Variants in GTF2IRD1 observed in about 807,000 individuals in gnomAD.
GTF2IRD1 encodes the protein general transcription factor II-I repeat domain-containing protein 1.
A neutral mutation model predicts 113.2 loss-of-function variants in GTF2IRD1; 26 were observed. The ratio of observed to expected loss-of-function variants is 0.23; its 90% confidence interval spans 0.17 to 0.32. The LOEUF (loss-of-function observed/expected upper bound fraction) is 0.32. Among genes scored for constraint, GTF2IRD1 ranks in the 10% least tolerant of loss-of-function variants. The pLI, the probability that GTF2IRD1 is intolerant of heterozygous loss-of-function variation, is 1.00. For missense variants in GTF2IRD1, 864 were observed against 1,280.8 expected, an observed-to-expected ratio of 0.67 and a Z score of 4.97; for synonymous variants, 484 against 529.1, an observed-to-expected ratio of 0.91 and a Z score of 1.17.
chr7:74,457,905 G>A (rs1793097849), intron 1 of GTF2IRD1, among the ~76,000 whole-genome samples: 3 of 147,928 alleles, frequency 2.0e-5, no homozygotes, highest in Non-Finnish European at 4.5e-5. Flanking sequence ...TTGAGAGGGA[G>A]TCTCACTTTG....
chr7:74,579,994 C>T (rs1801314776), intron 22 of GTF2IRD1, among the ~76,000 whole-genome samples: 1 of 152,114 alleles, frequency 6.6e-6, no homozygotes, highest in Non-Finnish European at 1.5e-5. Flanking sequence ...GGCTCATGAG[C>T]ACTGGCCTGG....
chr7:74,558,152 A>G (rs1799711141), intron 20 of GTF2IRD1, among the ~76,000 whole-genome samples: 1 of 151,484 alleles, frequency 6.6e-6, no homozygotes, highest in Admixed American at 6.6e-5. Flanking sequence ...AGTGGTGCAC[A>G]CCTGTGGTCC....
chr7:74,579,104 T>G (rs1237891802), intron 22 of GTF2IRD1, among the ~76,000 whole-genome samples: 1 of 151,920 alleles, frequency 6.6e-6, no homozygotes, highest in African/African-American at 2.4e-5. Flanking sequence ...GAAGAATTGC[T>G]TGAAGCCAGG....
At chr7:74,523,270 C>T (rs1411110173) in intron 7 of GTF2IRD1, among the ~76,000 whole-genome samples, 1 of 151,758 alleles carries the variant, frequency 6.6e-6, no homozygotes, top group Non-Finnish European at 1.5e-5. Context: ...TCATACCTGT[C>T]ATCCCAGCTG....
intron 1 of GTF2IRD1, chr7:74,487,390 G>A (rs965839541): frequency 6.6e-6 from 1 of 152,104 alleles, no homozygotes; most frequent in Non-Finnish European, 1.5e-5. Flanking sequence ...AAGCTTTCCA[G>A]TTCTACTTGA....
intron 22 of GTF2IRD1, among the ~76,000 whole-genome samples, chr7:74,577,200 G>C (rs1801126291): frequency 6.6e-6 from 1 of 152,090 alleles, no homozygotes; most frequent in South Asian, 2.1e-4. Flanking sequence ...ACCTATCCCA[G>C]CTAATTTTTT....
At chr7:74,490,903 G>T (rs1013566952) in intron 1 of GTF2IRD1, among the ~76,000 whole-genome samples, 4 of 152,168 alleles carry the variant, frequency 2.6e-5, no homozygotes, top group Non-Finnish European at 5.9e-5. Context: ...TGTCCAAGGG[G>T]CTGAGGATGT....
At chr7:74,496,568 G>GTGTGGGTGTGCA (rs1370805134) in intron 1 of GTF2IRD1, among the ~76,000 whole-genome samples, 10 of 134,568 alleles carry the variant, frequency 7.4e-5, no homozygotes, top group African/African-American at 1.7e-4. Flanking sequence ...GGGTGTACAT[G>GTGTGGGTGTGCA]TGTGGGTGTG....
chr7:74,463,240 CTTA>C (rs1430633907), intron 1 of GTF2IRD1, among the ~76,000 whole-genome samples: 5 of 152,052 alleles, frequency 3.3e-5, no homozygotes, highest in African/African-American at 1.2e-4. Context: ...TTCATCTGTT[CTTA>C]TTATTATTTT....
chr7:74,480,608 C>T (rs1017516231), intron 1 of GTF2IRD1, among the ~76,000 whole-genome samples: 17 of 152,172 alleles, frequency 1.1e-4, no homozygotes, highest in Admixed American at 2.0e-4. Context: ...CGCCCCTGCC[C>T]GCCTGCCAGG....
At chr7:74,519,043 G>A (rs1797112019) in intron 5 of GTF2IRD1, among the ~76,000 whole-genome samples, 1 of 152,228 alleles carries the variant, frequency 6.6e-6, no homozygotes, top group South Asian at 2.1e-4. Flanking sequence ...AGCCAAGAAG[G>A]CAGCCTGAGG....
chr7:74,594,832 G>T (rs587762568), intron 24 of GTF2IRD1, among the ~76,000 whole-genome samples, 182 bp from the exon 25 acceptor site: 104 of 151,650 alleles, frequency 6.9e-4, no homozygotes, highest in Middle Eastern at 3.4e-3. Flanking sequence ...GGCGCCTGTA[G>T]TCCCAGCTAC....
chr7:74,556,778 C>T (rs1248938898), intron 19 of GTF2IRD1, among the ~76,000 whole-genome samples: 3,566 of 116,398 alleles, frequency 0.031, no homozygotes, highest in Middle Eastern at 0.036. Flanking sequence ...TACGCACCAC[C>T]ATGCCTGGCT....
At chr7:74,550,808 C>A (rs781812607) in intron 17 of GTF2IRD1, among the ~76,000 whole-genome samples, 30 of 151,670 alleles carry the variant, frequency 2.0e-4, no homozygotes, top group Non-Finnish European at 2.8e-4. Context: ...ACAGGAGGGT[C>A]GCTTGAGGCC....
intron 11 of GTF2IRD1, 22 bp downstream of exon 11, chr7:74,536,297 C>T (rs1345902333): frequency 2.4e-5 from 35 of 1,457,352 alleles, no homozygotes; most frequent in South Asian, 2.1e-4. Flanking sequence ...CCCCTGGCCC[C>T]GGAGGCCCGC....
At chr7:74,567,702 G>T (rs1554361097) in intron 22 of GTF2IRD1, among the ~76,000 whole-genome samples, 8 of 152,010 alleles carry the variant, frequency 5.3e-5, no homozygotes, top group Admixed American at 2.0e-4. Context: ...CATCGGGGGG[G>T]TCAGGTCTAA....
intron 1 of GTF2IRD1, among the ~76,000 whole-genome samples, chr7:74,503,702 T>C (rs2129918881): frequency 6.6e-6 from 1 of 151,512 alleles, no homozygotes; most frequent in South Asian, 2.1e-4. Context: ...TGAGCCGAGA[T>C]CACACCACTG....
At chr7:74,501,639 T>C (rs1431019541) in intron 1 of GTF2IRD1, among the ~76,000 whole-genome samples, 2 of 151,964 alleles carry the variant, frequency 1.3e-5, no homozygotes, top group East Asian at 1.9e-4. Context: ...GGGAGTTTGT[T>C]TGTTTGTTTG....
chr7:74,527,715 G>C (rs782510353), intron 8 of GTF2IRD1, among the ~76,000 whole-genome samples: 1 of 152,168 alleles, frequency 6.6e-6, no homozygotes, highest in East Asian at 1.9e-4. Flanking sequence ...GGTGGCACAC[G>C]CCTGTAATCC....
Sources: gnomAD v4.1 joint callset for allele counts (sites outside exome capture counted in the v4.1 genomes callset) on GRCh38, gnomAD v4.1.1 for gene constraint, MANE v1.5 for transcripts, NCBI Gene and HGNC (gene_info 2026-07-23, HGNC 2026-07-21) for gene names.